Variants in ANXA2 observed in about 807,000 individuals in gnomAD.
The protein encoded by ANXA2 is annexin A2.
A neutral mutation model predicts 47.3 loss-of-function variants in ANXA2; 28 were observed. The observed-to-expected ratio is 0.59, with a 90% CI of 0.44 to 0.81. The LOEUF (loss-of-function observed/expected upper bound fraction) is 0.81, where lower values mean the gene tolerates loss of function less well. ANXA2 is among the 40% of genes least tolerant of loss of function. The pLI, the probability that ANXA2 is intolerant of heterozygous loss-of-function variation, is 0.00. For synonymous variants in ANXA2, 172 were observed against 155.5 expected (o/e 1.11, Z -0.79); for missense variants, 384 against 414.3 (o/e 0.93, Z 0.64).
chr15:60,381,281 C>T (rs1029955339), intron 3 of ANXA2, among the ~76,000 whole-genome samples: 2 of 152,130 alleles, frequency 1.3e-5, no homozygotes, highest in Non-Finnish European at 2.9e-5. Flanking sequence ...TGGCTCTTCA[C>T]CAGGGGCACG....
intron 2 of ANXA2, chr15:60,383,819 C>T (rs2062897546): frequency 6.6e-6 from 1 of 152,210 alleles, no homozygotes; most frequent in African/African-American, 2.4e-5. Flanking sequence ...ACTTCTCCAC[C>T]CACAGGCATC....
chr15:60,387,246 C>A (rs779598794), intron 1 of ANXA2: 25 of 152,164 alleles, frequency 1.6e-4, no homozygotes, highest in Non-Finnish European at 2.8e-4. Context: ...ATCCTGGGCT[C>A]TCCCCCAGAC....
intron 4 of ANXA2, among the ~76,000 whole-genome samples, chr15:60,363,733 C>T (rs1161381538): frequency 6.6e-6 from 1 of 152,040 alleles, no homozygotes; most frequent in African/African-American, 2.4e-5. Flanking sequence ...GCTTTGCAGA[C>T]CAAATGAACT....
At chr15:60,370,902 C>T (rs1293227730) in intron 3 of ANXA2, among the ~76,000 whole-genome samples, 4 of 152,266 alleles carry the variant, frequency 2.6e-5, no homozygotes, top group African/African-American at 9.6e-5. Context: ...TCCTCTTCCT[C>T]GTGTGTCTGA....
intron 2 of ANXA2, chr15:60,385,786 A>G (rs1281613177): frequency 1.8e-5 from 8 of 443,972 alleles, no homozygotes; most frequent in Non-Finnish European, 2.8e-5. Context: ...AATTCCAGCC[A>G]TTCCAGTGTC....
intron 3 of ANXA2, among the ~76,000 whole-genome samples, chr15:60,372,013 G>A (rs1212017573): frequency 5.9e-5 from 9 of 152,126 alleles, no homozygotes; most frequent in Non-Finnish European, 1.3e-4. Context: ...GCCAGGCTTG[G>A]TGGCACATGC....
chr15:60,383,239 A>C (rs1490670511), intron 2 of ANXA2: 1 of 152,342 alleles, frequency 6.6e-6, no homozygotes, highest in African/African-American at 2.4e-5. Context: ...TGATCCTCCC[A>C]CATCAGCCTC....
intron 11 of ANXA2, among the ~76,000 whole-genome samples, chr15:60,350,905 C>G (rs146125725): frequency 6.6e-6 from 1 of 152,312 alleles, no homozygotes; most frequent in East Asian, 1.9e-4. Flanking sequence ...GAAGAAATCA[C>G]GGAGAAACCT....
At chr15:60,357,007 T>C (rs1048298945) in intron 6 of ANXA2, 139 bp downstream of exon 6, 11 of 663,156 alleles carry the variant, frequency 1.7e-5, no homozygotes, top group African/African-American at 1.4e-4. Flanking sequence ...ACAGCCAACC[T>C]TGCCTGCATA....
At position 60,352,702 on chromosome 15, in the gene ANXA2, T is replaced by A. The variant is rs1228926911; in HGVS notation, c.589-226A>T. 6.6e-6 allele frequency among the ~76,000 whole-genome samples: 1 copy of A among 152,166 alleles called. No individual in the cohort carries two copies. The highest frequency in any genetic ancestry group is 1.5e-5 in the Non-Finnish European group (1 of 68,024). ...ACCATATGAGACTGCAGATAGTTCG[T>A]GAGGTCTGCTGTACAATCTCCTTCC... On this transcript the variant is annotated intron_variant, in intron 8 of 12. Transcript: ENST00000451270. This position sits in a 1 kb window ranked among gnomAD's most constrained non-coding sequence, Gnocchi z 4.2.
rs2062418569 is a variant in ANXA2 at position 60,355,719 on chromosome 15, C to T, written c.528+200G>A. 7 of 640,632 alleles carry T rather than the reference C, an allele frequency of 1.1e-5. No individual in the cohort carries two copies. In the South Asian group the frequency reaches 1.2e-4, roughly 11 times the overall value. The allele number at this position is 640,632 out of a possible 1,614,324, so 39.7% of individuals were successfully genotyped here. On this transcript the variant is annotated intron_variant, in intron 7 of 12. Transcript: ENST00000451270. Reference sequence around the variant, plus strand: ...TCTCTGGCTCCCAAAGTCCACTTGTCCATGAGGTTTTGCAGGATAAGAAAT... The same window carrying T: ...TCTCTGGCTCCCAAAGTCCACTTGTTCATGAGGTTTTGCAGGATAAGAAAT...
intron 3 of ANXA2, among the ~76,000 whole-genome samples, chr15:60,373,922 G>GAGT (rs1318756510): frequency 1.3e-5 from 2 of 152,314 alleles, no homozygotes; most frequent in African/African-American, 4.8e-5. Context: ...ACACATGGAT[G>GAGT]AGTAGTCCAG....
At position 60,357,222 on chromosome 15, in the gene ANXA2, G is replaced by T. The variant is rs748528078; in HGVS notation, c.372C>A (p.Asp124Glu). The T allele has an allele frequency of 6.2e-7, 1 of 1,613,982 alleles. No homozygotes were observed. Among genetic ancestry groups the T allele is most frequent in the East Asian group, 2.2e-5 (1 of 44,890 alleles). ...AGATGATCTCAATGAGAGAGTCCTC[G>T]TCGGTTCCCAGCCCCTGTGAACCAG... ...LKASMKGLGT[D>E]EDSLIEIICS... Residue 124 changes from aspartate to glutamate, a missense_variant, in exon 6 of 13, where the codon GAC becomes GAA. Asp to Glu is a conservative substitution (Grantham distance 45). Coordinates refer to ENST00000451270, the MANE Select transcript of ANXA2 (RefSeq NM_004039.3).
intron 5 of ANXA2, among the ~76,000 whole-genome samples, chr15:60,357,700 A>C (rs936009083): frequency 1.3e-5 from 2 of 152,046 alleles, no homozygotes; most frequent in African/African-American, 4.8e-5. Context: ...AGGCTGAGGC[A>C]GGAGAATGGC....
At position 60,364,529 on chromosome 15, in the gene ANXA2, G is replaced by A. The variant is rs769997813; in HGVS notation, c.149-6C>T. The A allele has an allele frequency of 1.7e-5, 27 of 1,604,716 alleles. No individual in the cohort carries two copies. Among genetic ancestry groups the A allele is most frequent in the Non-Finnish European group, 8.5e-7 (1 of 1,176,626 alleles). On this transcript the variant is annotated splice_polypyrimidine_tract_variant and splice_region_variant and intron_variant, in intron 3 of 12. Coordinates refer to ENST00000451270, the MANE Select transcript of ANXA2 (RefSeq NM_004039.3). ...AATGGTGACCTCATCCACACCTATG[G>A]AAATACAAGTTGTTAATCGTTACTC...
chr15:60,357,309 C>T, intron 5 of ANXA2, 73 bp from the exon 6 acceptor site: 1 of 1,284,248 alleles, frequency 7.8e-7, no homozygotes. Context: ...TGATCTCCAT[C>T]AAGTAAATTG....
At chr15:60,389,544 A>G (rs561454512) in intron 1 of ANXA2, among the ~76,000 whole-genome samples, 86 of 152,274 alleles carry the variant, frequency 5.6e-4, no homozygotes, top group African/African-American at 2.0e-3. Flanking sequence ...CCACAGCCAC[A>G]ACACCTTGAG....
intron 1 of ANXA2, among the ~76,000 whole-genome samples, chr15:60,389,374 C>T (rs1025363372): frequency 6.6e-6 from 1 of 152,180 alleles, no homozygotes; most frequent in Admixed American, 6.5e-5. Flanking sequence ...ACTAGAGGCA[C>T]GGTAACTTTT....
At position 60,351,710 on chromosome 15, in the gene ANXA2, C is replaced by A; in HGVS notation, c.778+14G>T. The stretch of plus-strand genomic sequence containing the variant: ...AGCTGATGTCTACCAGGAATGGGGG[C>A]CACATTCACTTACCCAGGTTCAGGA... On this transcript the variant is annotated intron_variant, in intron 10 of 12. Coordinates refer to ENST00000451270, the MANE Select transcript of ANXA2 (RefSeq NM_004039.3). 1 of 1,559,542 alleles carries A rather than the reference C, an allele frequency of 6.4e-7. No individual in the cohort carries two copies. The highest frequency in any genetic ancestry group is 8.8e-7 in the Non-Finnish European group (1 of 1,130,582).
Sources: gnomAD v4.1 joint callset for allele counts (sites outside exome capture counted in the v4.1 genomes callset) on GRCh38, gnomAD v4.1.1 for gene constraint, Gnocchi (gnomAD v3.1) non-coding constraint, MANE v1.5 for transcripts, NCBI Gene and HGNC (gene_info 2026-07-23, HGNC 2026-07-21) for gene names.